The following STT3B variants were observed in gnomAD, a reference collection of about 807,000 sequenced individuals.
STT3B encodes dolichyl-diphosphooligosaccharide--protein glycosyltransferase subunit STT3B.
In STT3B, 29 loss-of-function variants were observed where a neutral mutation model predicts 96.8. The observed-to-expected ratio is 0.30, with a 90% CI of 0.22 to 0.41. The LOEUF is 0.41. Among genes scored for constraint, STT3B ranks in the 10% least tolerant of loss-of-function variants. STT3B has a pLI of 1.00. For missense variants in STT3B, 640 were observed against 1,022.3 expected (o/e 0.63, Z 5.10); for synonymous variants, 367 against 360.0 (o/e 1.02, Z -0.22).
intron 9 of STT3B, among the ~76,000 whole-genome samples, chr3:31,620,810 A>G (rs769081346): frequency 2.0e-5 from 3 of 152,224 alleles, no homozygotes; most frequent in South Asian, 2.1e-4. Flanking sequence ...AACTTGTACA[A>G]TTATAGGATC....
chr3:31,564,462 C>A (rs1352436591), intron 1 of STT3B, among the ~76,000 whole-genome samples: 1 of 152,194 alleles, frequency 6.6e-6, no homozygotes, highest in African/African-American at 2.4e-5. Context: ...GGTTACTTAA[C>A]CTCTTTGTGC....
rs761971315 is a variant in STT3B, at chr3:31,615,090, A to G, written c.878-15A>G. 1.3e-6 allele frequency: 2 copies of G among 1,507,822 alleles called. No homozygotes were observed. The highest frequency in any genetic ancestry group is 1.4e-5 in the African/African-American group (1 of 71,628). The allele number at this position is 1,507,822 out of a possible 1,614,324, so 93.4% of individuals were successfully genotyped here. ...TAGTAGTAAATTATCCTTGTTTCCT[A>G]TTTTGTCTTTATAGCATATAGCACT... On this transcript the variant is annotated splice_polypyrimidine_tract_variant and intron_variant, in intron 5 of 15. Transcript: ENST00000295770.
rs1182029014 is a variant in STT3B, at chr3:31,636,230, T to C, written c.*166T>C. On this transcript the variant is annotated 3_prime_UTR_variant, in exon 16 of 16. Coordinates refer to ENST00000295770, the MANE Select transcript of STT3B (RefSeq NM_178862.3). ...CCTGATTAAAAAAATAAAATTGGCTTGTTGAGAACAGCTGTTTTCGATTTC... is the reference window on the plus strand; with the variant it reads ...CCTGATTAAAAAAATAAAATTGGCTCGTTGAGAACAGCTGTTTTCGATTTC... The C allele has an allele frequency of 2.1e-6, 1 of 481,090 alleles. No individual in the cohort carries two copies. The highest frequency in any genetic ancestry group is 3.7e-6 in the Non-Finnish European group (1 of 267,992). The allele number at this position is 481,090 out of a possible 1,614,324, so 29.8% of individuals were successfully genotyped here.
intron 1 of STT3B, among the ~76,000 whole-genome samples, chr3:31,568,150 CCT>C (rs1207205905): frequency 6.6e-6 from 1 of 151,998 alleles, no homozygotes; most frequent in Non-Finnish European, 1.5e-5. Flanking sequence ...AACATAATGA[CCT>C]CTCCAGTTCC....
chr3:31,552,089 T>C lies in STT3B; in HGVS notation c.314+18777T>C, dbSNP rs62234706. Among the ~76,000 whole-genome samples, 1,148 of 152,280 alleles carry C rather than the reference T, an allele frequency of 7.5e-3. 9 individuals are homozygous for C. The highest frequency in any genetic ancestry group is 0.012 in the Non-Finnish European group (813 of 68,000). On this transcript the variant is annotated intron_variant, in intron 1 of 15. Transcript: ENST00000295770. ...ACCTTGTGCGACCCTAAACAGAAGA[T>C]CCAGCTAAACTGTGCCTAGATTCCT... is the stretch of plus-strand genomic sequence containing the variant.
intron 3 of STT3B, among the ~76,000 whole-genome samples, chr3:31,583,888 T>C (rs778255512): frequency 3.3e-5 from 5 of 152,228 alleles, no homozygotes; most frequent in African/African-American, 1.2e-4. Context: ...CTTTTCACTC[T>C]GGATAGTGTC....
chr3:31,552,861 T>C (rs1409035984), intron 1 of STT3B, among the ~76,000 whole-genome samples: 1 of 152,094 alleles, frequency 6.6e-6, no homozygotes, highest in East Asian at 1.9e-4. Flanking sequence ...CCCAGCACTT[T>C]GGGAGGCCGA....
intron 1 of STT3B, among the ~76,000 whole-genome samples, chr3:31,537,870 T>C (rs1438274681): frequency 6.6e-6 from 1 of 152,180 alleles, no homozygotes; most frequent in Non-Finnish European, 1.5e-5. Context: ...TCTTTATTGT[T>C]ATATCTTAGT....
chr3:31,618,287 T>TTACCAAACA (rs57924710), intron 8 of STT3B, among the ~76,000 whole-genome samples: 131 of 151,718 alleles, frequency 8.6e-4, no homozygotes, highest in African/African-American at 2.9e-3. Context: ...GATTTGTCTT[T>TTACCAAACA]TATAACATTT....
At chr3:31,564,157 T>A (rs562847048) in intron 1 of STT3B, among the ~76,000 whole-genome samples, 10 of 152,280 alleles carry the variant, frequency 6.6e-5, no homozygotes, top group African/African-American at 2.4e-4. Flanking sequence ...AAAAAATAGT[T>A]TACCTTAGTA....
At chr3:31,581,000 T>A in intron 3 of STT3B, among the ~76,000 whole-genome samples, 1 of 151,694 alleles carries the variant, frequency 6.6e-6, no homozygotes, top group East Asian at 1.9e-4. Context: ...ATAAACTATA[T>A]AATATTTTAA....
chr3:31,562,105 A>ATT (rs1007922546), intron 1 of STT3B, among the ~76,000 whole-genome samples: 5 of 151,990 alleles, frequency 3.3e-5, no homozygotes, highest in Non-Finnish European at 7.4e-5. Context: ...ATCCAGGCTG[A>ATT]TTTTAGGCCT....
At chr3:31,615,300 G>A in intron 6 of STT3B, 97 bp downstream of exon 6, 1 of 894,686 alleles carries the variant, frequency 1.1e-6, no homozygotes, top group Non-Finnish European at 1.7e-6. Flanking sequence ...TTTGGTTGTT[G>A]CAATGACAAC....
At position 31,542,761 on chromosome 3, in the gene STT3B, T is replaced by C. The variant is rs530231664; in HGVS notation, c.314+9449T>C. Reference sequence around the variant, plus strand: ...CAAATGGAGATTCTTTTCTGAGATATATTGACTGTTAAGAAAAATTCCAGG... The same window carrying C: ...CAAATGGAGATTCTTTTCTGAGATACATTGACTGTTAAGAAAAATTCCAGG... On this transcript the variant is annotated intron_variant, in intron 1 of 15. Transcript: ENST00000295770. Among the ~76,000 whole-genome samples the C allele has an allele frequency of 3.9e-5, 6 of 152,210 alleles. 1 individual carries two copies. The highest frequency in any genetic ancestry group is 1.4e-4 in the African/African-American group (6 of 41,562).
At chr3:31,634,380 T>G (rs1699720813) in intron 15 of STT3B, among the ~76,000 whole-genome samples, 1 of 152,188 alleles carries the variant, frequency 6.6e-6, no homozygotes, top group African/African-American at 2.4e-5. Flanking sequence ...AGGCAGTGAA[T>G]TTTCTTCATT....
chr3:31,609,393 A>G (rs947555827), intron 5 of STT3B, among the ~76,000 whole-genome samples: 18 of 152,172 alleles, frequency 1.2e-4, no homozygotes, highest in African/African-American at 3.9e-4. Flanking sequence ...TGAGTTTTTC[A>G]TAGTCTCCAA....
At chr3:31,633,301 A>G (rs920331380) in intron 15 of STT3B, 154 bp downstream of exon 15, 2 of 694,318 alleles carry the variant, frequency 2.9e-6, no homozygotes, top group South Asian at 2.0e-5. Context: ...CTAGCCTGCT[A>G]GGAGCATTCC....
At chr3:31,623,603 T>C in intron 10 of STT3B, 71 bp from the exon 11 acceptor site, 1 of 1,205,120 alleles carries the variant, frequency 8.3e-7, no homozygotes, top group Non-Finnish European at 1.2e-6. Flanking sequence ...CTCTCAACTT[T>C]TTCCATTGAG....
intron 3 of STT3B, among the ~76,000 whole-genome samples, chr3:31,596,012 C>A (rs1204979543): frequency 6.6e-6 from 1 of 152,150 alleles, no homozygotes; most frequent in Non-Finnish European, 1.5e-5. Context: ...CAAGTTCTTG[C>A]CTTTGTATCT....
Sources: allele counts gnomAD v4.1 joint callset (sites outside exome capture counted in the v4.1 genomes callset), GRCh38; gene constraint gnomAD v4.1.1; transcripts MANE v1.5; gene names NCBI Gene and HGNC (gene_info 2026-07-23, HGNC 2026-07-21).